ADGRF1: variants seen among roughly 807,000 people sequenced by gnomAD.
ADGRF1 encodes the protein G protein-coupled receptor 110.
A neutral mutation model predicts 87.2 loss-of-function variants in ADGRF1; 85 were observed. The ratio of observed to expected loss-of-function variants is 0.97; its 90% CI spans 0.82 to 1.17. The LOEUF (loss-of-function observed/expected upper bound fraction) is 1.17. Among genes scored for constraint, ADGRF1 ranks in the 50% most tolerant of loss-of-function variants. ADGRF1 has a pLI of 0.00. For missense variants in ADGRF1, 1,169 were observed against 1,077.2 expected, an observed-to-expected ratio of 1.09 and a Z score of -1.19; for synonymous variants, 430 against 408.8, an observed-to-expected ratio of 1.05 and a Z score of -0.63.
chr6:47,033,190 G>T (rs908227328), intron 1 of ADGRF1, among the ~76,000 whole-genome samples: 2 of 152,202 alleles, frequency 1.3e-5, no homozygotes, highest in African/African-American at 2.4e-5. Context: ...AGCTGTGTGG[G>T]CACCAGCTTC....
At chr6:47,006,949 C>A (rs1195954952) in intron 12 of ADGRF1, among the ~76,000 whole-genome samples, 1 of 152,162 alleles carries the variant, frequency 6.6e-6, no homozygotes, top group African/African-American at 2.4e-5. Context: ...GTTAGCAAAG[C>A]AATTTTGCTA....
In ADGRF1 at chr6:47,013,203, G is replaced by A. The variant is rs977199646; in HGVS notation, c.928-1008C>T. On this transcript the variant is annotated intron_variant, in intron 9 of 14. Transcript: ENST00000371253. The stretch of plus-strand genomic sequence containing the variant: ...AGTCCACTCAGGCGCCCAAGTGCCC[G>A]CCATTTTCCTTCTTGTTCTTCTCAA... The A allele has an allele frequency of 2.1e-5, 21 of 985,368 alleles. No individual in the cohort carries two copies. The African/African-American group carries it at 2.6e-4, about 12-fold the overall frequency. The allele number at this position is 985,368 out of a possible 1,614,324, so 61.0% of individuals were successfully genotyped here. A position where few individuals can be genotyped will look rare whatever the true frequency, so the allele number is the denominator to read the frequency against.
At chr6:47,014,618 A>C in intron 9 of ADGRF1, 63 bp downstream of exon 9, 1 of 1,577,406 alleles carries the variant, frequency 6.3e-7, no homozygotes, top group South Asian at 1.2e-5. Flanking sequence ...AGCCATGCTC[A>C]CTGGGATATT....
intron 1 of ADGRF1, among the ~76,000 whole-genome samples, chr6:47,036,846 C>G (rs1201458419): frequency 2.0e-5 from 3 of 152,206 alleles, no homozygotes; most frequent in Middle Eastern, 6.8e-3. Flanking sequence ...ATCAGTTCAT[C>G]CTCAGAAACC....
chr6:47,041,812 A>G (rs1561886163), intron 1 of ADGRF1, among the ~76,000 whole-genome samples: 2 of 152,214 alleles, frequency 1.3e-5, no homozygotes, highest in African/African-American at 2.4e-5. Context: ...CGTATTATGA[A>G]TTAGTGAAAA....
chr6:47,005,210 A>G (rs891284791), intron 13 of ADGRF1, among the ~76,000 whole-genome samples: 1 of 152,196 alleles, frequency 6.6e-6, no homozygotes, highest in African/African-American at 2.4e-5. Context: ...TTCTAAATAT[A>G]CTATCCCCAT....
In ADGRF1 at chr6:47,010,974, C is replaced by CAGAGTG. The variant is rs201993389; in HGVS notation, c.1117-657_1117-656insCACTCT. ...CCCCTTCTCTTGCTTATGGGTCTGG[C>CAGAGTG]TCCCAGACACTCTGGCTGCAAGCAT... is the stretch of plus-strand genomic sequence containing the variant. On this transcript the variant is annotated intron_variant, in intron 10 of 14. Transcript: ENST00000371253. Among the ~76,000 whole-genome samples, 1,362 of 152,278 alleles carry CAGAGTG rather than the reference C, an allele frequency of 8.9e-3. 17 individuals are homozygous for CAGAGTG. Among genetic ancestry groups the CAGAGTG allele is most frequent in the African/African-American group, 0.031 (1,276 of 41,542 alleles).
intron 9 of ADGRF1, chr6:47,013,406 A>C (rs993949871): frequency 2.0e-6 from 2 of 985,334 alleles, no homozygotes. Context: ...GGAGAAGTAA[A>C]CATTCCACAG....
At chr6:47,034,586 T>G (rs1292549627) in intron 1 of ADGRF1, among the ~76,000 whole-genome samples, 1 of 152,216 alleles carries the variant, frequency 6.6e-6, no homozygotes, top group Non-Finnish European at 1.5e-5. Context: ...GCCTCCAATT[T>G]CCCAGGCATT....
At chr6:47,024,335 AGTTTT>A (rs1269729207) in intron 4 of ADGRF1, 118 bp from the exon 5 acceptor site, 25 of 779,814 alleles carry the variant, frequency 3.2e-5, no homozygotes, top group East Asian at 5.5e-5. Flanking sequence ...ATCTTCTATG[AGTTTT>A]GTTTTGTTTT....
intron 14 of ADGRF1, among the ~76,000 whole-genome samples, 156 bp from the exon 15 acceptor site, chr6:47,000,451 T>C (rs1252152167): frequency 1.3e-5 from 2 of 152,160 alleles, no homozygotes; most frequent in African/African-American, 4.8e-5. Context: ...TGGAGAGAAA[T>C]AGCATTTCAC....
Position 47,031,466 on chromosome 6 carries a change from G to A in ADGRF1, c.-43-2362C>T, listed in dbSNP as rs367766429. Among the ~76,000 whole-genome samples, 17 of 151,604 alleles carry A rather than the reference G, an allele frequency of 1.1e-4. No homozygotes were observed. In the East Asian group the frequency reaches 2.7e-3, roughly 24 times the overall value. On this transcript the variant is annotated intron_variant, in intron 1 of 14. Coordinates refer to ENST00000371253, the MANE Select transcript of ADGRF1 (RefSeq NM_153840.4). ...TTGAGAAAGCCTGAGGACAGCTCTG[G>A]GCATTGTGGGAAAGCCTTCTCTCAT...
rs1298558139 is a variant in ADGRF1 at position 47,014,684 on chromosome 6, G to C, written c.924C>G (p.Asn308Lys). The C allele has an allele frequency of 6.2e-7, 1 of 1,613,112 alleles. No individual in the cohort carries two copies. Among genetic ancestry groups the C allele is most frequent in the South Asian group, 1.1e-5 (1 of 90,958 alleles). Residue 308 changes from asparagine to lysine, a missense_variant, in exon 9 of 15, where the codon AAC (asparagine) becomes AAG (lysine). Transcript: ENST00000371253. Reference protein sequence around the residue: ...TCVLSLLEELNKNFSMIVGNA... With the variant: ...TCVLSLLEELKKNFSMIVGNA... Reference sequence around the variant, plus strand: ...CTACACAGTGAAAATGCCTCACCTTGTTCAGTTCTTCAAGCAGAGAGAGCA... The same window carrying C: ...CTACACAGTGAAAATGCCTCACCTTCTTCAGTTCTTCAAGCAGAGAGAGCA...
chr6:47,034,226 A>G (rs1300986419), intron 1 of ADGRF1, among the ~76,000 whole-genome samples: 1 of 152,180 alleles, frequency 6.6e-6, no homozygotes, highest in Non-Finnish European at 1.5e-5. Flanking sequence ...AGGTTTCATT[A>G]TTACATGCCC....
rs572221825 is a variant in ADGRF1, at chr6:46,998,389, C to T, written c.*1833G>A. 1.6e-4 allele frequency: 24 copies of T among 152,256 alleles called. No individual in the cohort carries two copies. The highest frequency in any genetic ancestry group is 5.8e-4 in the African/African-American group (24 of 41,540). The allele number at this position is 152,256 out of a possible 1,614,324, so 9.4% of individuals were successfully genotyped here. ...ACCTCCCACTTCTTGATGCTGGGTT[C>T]CCTCCACCTCTTTGGACAACCCTAT... On this transcript the variant is annotated 3_prime_UTR_variant, in exon 15 of 15. Transcript: ENST00000371253.
rs1178706719 is a variant in ADGRF1, at chr6:46,998,161, A to G, written c.*2061T>C. The G allele has an allele frequency of 6.6e-6, 1 of 152,158 alleles. No individual in the cohort carries two copies. The highest frequency in any genetic ancestry group is 6.5e-5 in the Admixed American group (1 of 15,270). The allele number at this position is 152,158 out of a possible 1,614,324, so 9.4% of individuals were successfully genotyped here. A position where few individuals can be genotyped will look rare whatever the true frequency, so the allele number is the denominator to read the frequency against. On this transcript the variant is annotated 3_prime_UTR_variant, in exon 15 of 15. Transcript: ENST00000371253. ...TCCCTTTCCCCAAGGTCCCCAAAAA[A>G]AGAAATCTGTCTTATGAGATAGGGC...
At position 46,999,553 on chromosome 6, in the gene ADGRF1, G is replaced by A. The variant is rs1779302793; in HGVS notation, c.*669C>T. 2 of 152,176 alleles carry A rather than the reference G, an allele frequency of 1.3e-5. No homozygotes were observed. The highest frequency in any genetic ancestry group is 6.6e-5 in the Admixed American group (1 of 15,266). 9.4% of individuals were successfully genotyped at this position (152,176 alleles called of 1,614,324 possible). ...TTGACACTTTTGTTTGCAGGGTTTA[G>A]GACCAGATGGAAGTGCCTTGTAAAC... On this transcript the variant is annotated 3_prime_UTR_variant, in exon 15 of 15. Transcript: ENST00000371253.
In ADGRF1 at chr6:47,021,907, G is replaced by A. The variant is rs764963274; in HGVS notation, c.552+51C>T. On this transcript the variant is annotated intron_variant, in intron 6 of 14. Transcript: ENST00000371253. ...TATACATGCTGAATTGAAAACATTT[G>A]AACTTGAGTGTAGCAAACGATTCCT... The A allele has an allele frequency of 1.3e-5, 13 of 964,098 alleles. No homozygotes were observed. In the South Asian group the frequency reaches 1.7e-4, roughly 12 times the overall value. 59.7% of individuals were successfully genotyped at this position (964,098 alleles called of 1,614,324 possible). A position where few individuals can be genotyped will look rare whatever the true frequency, so the allele number is the denominator to read the frequency against.
chr6:47,000,213 T>C lies in ADGRF1; in HGVS notation c.*9A>G. 6.2e-6 allele frequency: 10 copies of C among 1,603,926 alleles called. No individual in the cohort carries two copies. Among genetic ancestry groups the C allele is most frequent in the Non-Finnish European group, 8.5e-6 (10 of 1,173,126 alleles). Reference sequence around the variant, plus strand: ...TGGAAATTTTTTCTTGATTTTATGATTCCTTGCCTTATTCATTTGAGACAA... The same window carrying C: ...TGGAAATTTTTTCTTGATTTTATGACTCCTTGCCTTATTCATTTGAGACAA... On this transcript the variant is annotated 3_prime_UTR_variant, in exon 15 of 15. Coordinates refer to ENST00000371253, the MANE Select transcript of ADGRF1 (RefSeq NM_153840.4).
Sources: gnomAD v4.1 joint callset for allele counts (sites outside exome capture counted in the v4.1 genomes callset) on GRCh38, gnomAD v4.1.1 for gene constraint, MANE v1.5 for transcripts, NCBI Gene and HGNC (gene_info 2026-07-23, HGNC 2026-07-21) for gene names.